The following PLEKHA1 variants were observed in gnomAD, a reference collection of about 807,000 sequenced individuals.
PLEKHA1 encodes pleckstrin homology domain containing A1.
In PLEKHA1, 34 loss-of-function variants were observed where a neutral mutation model predicts 52.0. The observed-to-expected ratio is 0.65, with a 90% confidence interval of 0.50 to 0.87. PLEKHA1 has a LOEUF of 0.87. Among genes scored for constraint, PLEKHA1 ranks in the 40% least tolerant of loss-of-function variants. PLEKHA1 has a pLI of 0.00. For synonymous variants in PLEKHA1, 163 were observed against 170.7 expected (o/e 0.95, Z 0.35); for missense variants, 497 against 504.2 (o/e 0.99, Z 0.14).
At chr10:122,415,263 G>A (rs2097156868) in intron 6 of PLEKHA1, among the ~76,000 whole-genome samples, 1 of 152,156 alleles carries the variant, frequency 6.6e-6, no homozygotes, top group South Asian at 2.1e-4. Flanking sequence ...CAAAATTATA[G>A]TCTTGGAGAA....
the PLEKHA1 span, chr10:122,440,754 A>G: frequency 1.3e-5 from 2 of 152,198 alleles, no homozygotes; most frequent in Admixed American, 6.5e-5. Flanking sequence ...TAGAAAATGA[A>G]AACAGTCCAA....
At chr10:122,434,727 C>T (rs1427139665), downstream of PLEKHA1, 2 of 117,594 alleles carry the variant, frequency 1.7e-5, no homozygotes, top group East Asian at 3.1e-4. Flanking sequence ...CCTCCCCCCA[C>T]CCCCCAACAG....
At position 122,431,069 on chromosome 10, in the gene PLEKHA1, C is replaced by T. The variant is rs2097411611; in HGVS notation, c.*1131C>T. The T allele has an allele frequency of 6.6e-6, 1 of 152,226 alleles. No individual in the cohort carries two copies. The highest frequency in any genetic ancestry group is 6.6e-5 in the Admixed American group (1 of 15,232). 9.4% of individuals were successfully genotyped at this position (152,226 alleles called of 1,614,324 possible). A position where few individuals can be genotyped will look rare whatever the true frequency, so the allele number is the denominator to read the frequency against. ...CATAGGGATATAGATATAAGCACCT[C>T]TCTAAAGAATCTTTAGTTTCCGACG... On this transcript the variant is annotated 3_prime_UTR_variant, in exon 12 of 12. Coordinates refer to ENST00000368990, the MANE Select transcript of PLEKHA1 (RefSeq NM_001001974.4).
chr10:122,376,522 ATATATATATAT>A (rs2096538829), intron 1 of PLEKHA1, among the ~76,000 whole-genome samples: 2 of 118,122 alleles, frequency 1.7e-5, no homozygotes, highest in African/African-American at 5.8e-5. Flanking sequence ...ATATATATAT[ATATATATATAT>A]AATATAAATA....
intron 1 of PLEKHA1, among the ~76,000 whole-genome samples, chr10:122,391,019 G>C (rs1039682169): frequency 5.9e-5 from 9 of 151,846 alleles, no homozygotes; most frequent in African/African-American, 2.2e-4. Flanking sequence ...TCTCATTGTG[G>C]TTTTTATTTG....
intron 4 of PLEKHA1, among the ~76,000 whole-genome samples, chr10:122,400,946 C>T (rs2096919243): frequency 6.6e-6 from 1 of 152,154 alleles, no homozygotes; most frequent in South Asian, 2.1e-4. Context: ...GTTGTCACAA[C>T]CTGTAGATAA....
At chr10:122,442,438 A>G in the PLEKHA1 span, 2 of 152,196 alleles carry the variant, frequency 1.3e-5, no homozygotes, top group African/African-American at 4.8e-5. Context: ...TAATTTCTCC[A>G]AGAAATGACC....
intron 10 of PLEKHA1, among the ~76,000 whole-genome samples, chr10:122,425,939 T>G (rs921036966): frequency 1.3e-5 from 2 of 152,240 alleles, no homozygotes; most frequent in South Asian, 4.2e-4. Context: ...TAGTGTTATA[T>G]CCTATTTGTT....
intron 7 of PLEKHA1, chr10:122,416,907 A>G (rs942918066): frequency 6.5e-6 from 1 of 154,334 alleles, no homozygotes; most frequent in African/African-American, 2.4e-5. Context: ...GACCTGCTTT[A>G]GGCTGAGGAA....
intron 1 of PLEKHA1, 175 bp downstream of exon 1, chr10:122,374,981 C>T (rs987660553): frequency 6.6e-6 from 1 of 151,896 alleles, no homozygotes; most frequent in African/African-American, 2.4e-5. Context: ...GAGCCGGCGC[C>T]CCCTCTGCGC....
At chr10:122,403,588 T>C (rs576907032) in intron 4 of PLEKHA1, among the ~76,000 whole-genome samples, 3 of 137,300 alleles carry the variant, frequency 2.2e-5, no homozygotes, top group African/African-American at 8.3e-5. Context: ...TATGGCAACT[T>C]AGCAGTGTCA....
chr10:122,383,270 AT>A lies in PLEKHA1; in HGVS notation c.-21+8471del, dbSNP rs1241827562. 2.2e-5 allele frequency among the ~76,000 whole-genome samples: 3 copies of A among 137,690 alleles called. No homozygotes were observed. In the East Asian group the frequency reaches 6.3e-4, roughly 29 times the overall value. The allele number at this position is 137,690 out of a possible 152,430, so 90.3% of individuals were successfully genotyped here. ...TATTTTGAAACAAATCCCAGATAACATTTTTTTCTTTTCTTTCTTGCTTTTT... is the reference window on the plus strand; with the variant it reads ...TATTTTGAAACAAATCCCAGATAACATTTTTTCTTTTCTTTCTTGCTTTTT... On this transcript the variant is annotated intron_variant, in intron 1 of 11. Transcript: ENST00000368990.
rs78974352 is a variant in PLEKHA1 at position 122,424,457 on chromosome 10, T to C, written c.746+194T>C. Among the ~76,000 whole-genome samples, 58 of 152,282 alleles carry C rather than the reference T, an allele frequency of 3.8e-4. No individual in the cohort carries two copies. In the East Asian group the frequency reaches 8.9e-3, roughly 23 times the overall value. ...TGAACTACTTTGTTCATTTGAAAAC[T>C]AAAAATTAGGAAAGAATCGTTTATT... On this transcript the variant is annotated intron_variant, in intron 9 of 11. Coordinates refer to ENST00000368990, the MANE Select transcript of PLEKHA1 (RefSeq NM_001001974.4).
chr10:122,432,134 G>A lies in PLEKHA1; in HGVS notation c.*2196G>A, dbSNP rs1043218018. 3 of 151,996 alleles carry A rather than the reference G, an allele frequency of 2.0e-5. No individual in the cohort carries two copies. Among genetic ancestry groups the A allele is most frequent in the East Asian group, 1.9e-4 (1 of 5,188 alleles). 9.4% of individuals were successfully genotyped at this position (151,996 alleles called of 1,614,324 possible). ...GGAAATTATTTAATTATTTTAAAAC[G>A]TACACACTTTTCTTGTAAATATGTC... On this transcript the variant is annotated 3_prime_UTR_variant, in exon 12 of 12. Coordinates refer to ENST00000368990, the MANE Select transcript of PLEKHA1 (RefSeq NM_001001974.4).
downstream of PLEKHA1, chr10:122,435,378 T>A (rs1317321903): frequency 6.6e-6 from 1 of 152,242 alleles, no homozygotes; most frequent in Non-Finnish European, 1.5e-5. Flanking sequence ...TATTTTTTGA[T>A]ACATTTAATA....
In PLEKHA1 at chr10:122,431,650, A is replaced by G. The variant is rs1292268617; in HGVS notation, c.*1712A>G. The G allele has an allele frequency of 6.6e-6, 1 of 152,660 alleles. No individual in the cohort carries two copies. The highest frequency in any genetic ancestry group is 1.5e-5 in the Non-Finnish European group (1 of 68,042). 9.5% of individuals were successfully genotyped at this position (152,660 alleles called of 1,614,324 possible). A position where few individuals can be genotyped will look rare whatever the true frequency, so the allele number is the denominator to read the frequency against. On this transcript the variant is annotated 3_prime_UTR_variant, in exon 12 of 12. Coordinates refer to ENST00000368990, the MANE Select transcript of PLEKHA1 (RefSeq NM_001001974.4). The stretch of plus-strand genomic sequence containing the variant: ...CCAGAGGTTAAGATGTATTAGAATT[A>G]TACAATATCAGTTTAAAAATCTGTA...
intron 11 of PLEKHA1, among the ~76,000 whole-genome samples, chr10:122,428,772 A>G (rs957457467): frequency 6.6e-6 from 1 of 152,222 alleles, no homozygotes; most frequent in African/African-American, 2.4e-5. Flanking sequence ...GCCATCTAAT[A>G]GGACTCTGTA....
rs563445729 is a variant in PLEKHA1, at chr10:122,424,369, G to A, written c.746+106G>A. 50 of 1,284,496 alleles carry A rather than the reference G, an allele frequency of 3.9e-5. No homozygotes were observed. In the African/African-American group the frequency reaches 7.1e-4, roughly 18 times the overall value. 79.6% of individuals were successfully genotyped at this position (1,284,496 alleles called of 1,614,324 possible). On this transcript the variant is annotated intron_variant, in intron 9 of 11. Transcript: ENST00000368990. Reference sequence around the variant, plus strand: ...ATTACATTTTTCCATATTAATTGTAGTTATTTTTAACTCTTTATAGTTGAG... The same window carrying A: ...ATTACATTTTTCCATATTAATTGTAATTATTTTTAACTCTTTATAGTTGAG...
At chr10:122,412,263 T>G (rs909186178) in intron 5 of PLEKHA1, 6 of 152,204 alleles carry the variant, frequency 3.9e-5, no homozygotes, top group South Asian at 2.1e-4. Context: ...TTCTTTAAAT[T>G]TCTAATGAAA....
Sources: allele counts gnomAD v4.1 joint callset (sites outside exome capture counted in the v4.1 genomes callset), GRCh38; gene constraint gnomAD v4.1.1; transcripts MANE v1.5; gene names NCBI Gene and HGNC (gene_info 2026-07-23, HGNC 2026-07-21).